Variants in NKAIN3 observed in about 807,000 individuals in gnomAD.
The protein encoded by NKAIN3 is sodium/potassium transporting ATPase interacting 3, also known as sodium/potassium-transporting ATPase subunit beta-1-interacting protein 3.
Under a neutral mutation model 30.2 loss-of-function variants are expected in NKAIN3, and 25 were observed. That is an observed-to-expected ratio of 0.83 (90% CI 0.60 to 1.16). The LOEUF (loss-of-function observed/expected upper bound fraction) is 1.16. Ranked by LOEUF, NKAIN3 falls within the 50% of genes most tolerant of loss-of-function variation. The probability of loss-of-function intolerance (pLI) is 0.00; values close to 1 mark genes in which losing one functional copy is unlikely to be tolerated. For missense variants in NKAIN3, 225 were observed against 254.1 expected (o/e 0.89, Z 0.78); for synonymous variants, 91 against 89.6 (o/e 1.02, Z -0.09).
intron 3 of NKAIN3, among the ~76,000 whole-genome samples, chr8:62,690,454 T>G (rs990021005): frequency 9.8e-5 from 15 of 152,296 alleles, no homozygotes; most frequent in African/African-American, 2.9e-4. Context: ...CTTGAAAGCT[T>G]TATTCTCGGA....
chr8:62,390,270 C>T (rs1408840387), intron 1 of NKAIN3, among the ~76,000 whole-genome samples: 3 of 152,048 alleles, frequency 2.0e-5, no homozygotes, highest in Admixed American at 1.3e-4. Flanking sequence ...TCATTTAGCT[C>T]CCATTTATAA....
intron 1 of NKAIN3, among the ~76,000 whole-genome samples, chr8:62,539,813 C>G (rs1006758391): frequency 9.9e-5 from 15 of 152,158 alleles, no homozygotes; most frequent in Non-Finnish European, 1.9e-4. Context: ...TCTCTGGGCT[C>G]AAGTGATCTT....
chr8:62,643,797 A>G (rs1812379995), intron 3 of NKAIN3, among the ~76,000 whole-genome samples: 2 of 151,786 alleles, frequency 1.3e-5, no homozygotes, highest in Non-Finnish European at 2.9e-5. Context: ...TTGTTCTTAT[A>G]TATAAGTAGT....
chr8:62,653,455 G>A (rs1812683302), intron 3 of NKAIN3, among the ~76,000 whole-genome samples: 3 of 152,122 alleles, frequency 2.0e-5, no homozygotes, highest in African/African-American at 7.2e-5. Context: ...AGTTTTGGGG[G>A]AGCAGAAGGG....
intron 1 of NKAIN3, among the ~76,000 whole-genome samples, chr8:62,496,980 T>C (rs997128176): frequency 2.0e-5 from 3 of 152,126 alleles, no homozygotes; most frequent in South Asian, 2.1e-4. Flanking sequence ...CTTTAGAGAA[T>C]AATGTCATTT....
intron 4 of NKAIN3, chr8:62,855,896 G>A (rs1197299511): frequency 5.2e-6 from 4 of 764,748 alleles, no homozygotes; most frequent in African/African-American, 1.7e-5. Context: ...AAAGAGAGAT[G>A]TTCCTGCGGG....
At chr8:62,380,727 T>G (rs1817251235) in intron 1 of NKAIN3, among the ~76,000 whole-genome samples, 1 of 152,202 alleles carries the variant, frequency 6.6e-6, no homozygotes, top group Non-Finnish European at 1.5e-5. Flanking sequence ...AATATTCAAG[T>G]GCAAATAAAA....
At chr8:62,321,944 A>G (rs1481610195) in intron 1 of NKAIN3, among the ~76,000 whole-genome samples, 1 of 152,188 alleles carries the variant, frequency 6.6e-6, no homozygotes, top group African/African-American at 2.4e-5. Flanking sequence ...CTACAGAGGC[A>G]GGCAGACCTC....
intron 1 of NKAIN3, among the ~76,000 whole-genome samples, chr8:62,441,602 C>G (rs1009304797): frequency 6.6e-6 from 1 of 151,870 alleles, no homozygotes; most frequent in African/African-American, 2.4e-5. Flanking sequence ...AAATTAATCT[C>G]ATATCAAACA....
intron 1 of NKAIN3, among the ~76,000 whole-genome samples, chr8:62,390,066 C>T (rs1332928601): frequency 1.3e-5 from 2 of 151,958 alleles, no homozygotes; most frequent in Non-Finnish European, 2.9e-5. Flanking sequence ...TATGTGTCGG[C>T]ATCCCTGTTA....
At chr8:62,796,890 A>G (rs16929587) in intron 4 of NKAIN3, among the ~76,000 whole-genome samples, 31,370 of 151,822 alleles carry the variant, frequency 0.21, 3,857 homozygotes, top group African/African-American at 0.33. Context: ...TTAGCACTTC[A>G]AGTGTGATTT....
intron 1 of NKAIN3, among the ~76,000 whole-genome samples, chr8:62,525,500 G>T (rs28728294): frequency 0.062 from 9,359 of 152,124 alleles, 870 homozygotes; most frequent in African/African-American, 0.21. Flanking sequence ...TGCGGTATTT[G>T]GTTTTTTGTT....
intron 4 of NKAIN3, among the ~76,000 whole-genome samples, chr8:62,867,717 T>C (rs1260221512): frequency 6.6e-6 from 1 of 152,236 alleles, no homozygotes; most frequent in East Asian, 1.9e-4. Flanking sequence ...CATTAGCTGA[T>C]AATGATGAAT....
At chr8:62,726,108 T>G (rs1156603638) in intron 3 of NKAIN3, among the ~76,000 whole-genome samples, 1 of 152,126 alleles carries the variant, frequency 6.6e-6, no homozygotes, top group Admixed American at 6.5e-5. Flanking sequence ...CTACTGTAAA[T>G]GGAATACTTT....
At chr8:62,511,898 G>A (rs1171863472) in intron 1 of NKAIN3, among the ~76,000 whole-genome samples, 1 of 152,114 alleles carries the variant, frequency 6.6e-6, no homozygotes, top group African/African-American at 2.4e-5. Context: ...CTCATTCATT[G>A]TGTTTGTCAT....
At chr8:62,345,364 T>C (rs199944554) in intron 1 of NKAIN3, among the ~76,000 whole-genome samples, 2 of 8,732 alleles carry the variant, frequency 2.3e-4, no homozygotes, top group East Asian at 4.2e-3. Context: ...CACATATATG[T>C]ATATATACAC....
intron 1 of NKAIN3, among the ~76,000 whole-genome samples, chr8:62,361,498 T>C (rs2351675): frequency 0.85 from 129,090 of 152,248 alleles, 54,929 homozygotes; most frequent in South Asian, 0.88. Context: ...AAAAAGTTAA[T>C]TGTTTATTTA....
intron 1 of NKAIN3, among the ~76,000 whole-genome samples, chr8:62,286,210 T>C (rs1813374979): frequency 6.6e-6 from 1 of 152,180 alleles, no homozygotes. Context: ...TTCAGGACAC[T>C]AACCCCTTTG....
intron 1 of NKAIN3, among the ~76,000 whole-genome samples, chr8:62,391,940 C>T (rs1817594362): frequency 6.6e-6 from 1 of 151,928 alleles, no homozygotes; most frequent in Admixed American, 6.6e-5. Flanking sequence ...CATTCTGTCT[C>T]AACTGGAATA....
Sources: gnomAD v4.1 joint callset for allele counts (sites outside exome capture counted in the v4.1 genomes callset) on GRCh38, gnomAD v4.1.1 for gene constraint, MANE v1.5 for transcripts, NCBI Gene and HGNC (gene_info 2026-07-23, HGNC 2026-07-21) for gene names.